Variants in PIK3C2G observed in about 807,000 individuals in gnomAD.
The protein encoded by PIK3C2G is phosphatidylinositol 3-kinase C2 domain-containing subunit gamma.
A neutral mutation model predicts 181.1 loss-of-function variants in PIK3C2G; 168 were observed. The observed-to-expected ratio is 0.93, with a 90% CI of 0.82 to 1.05. The LOEUF (loss-of-function observed/expected upper bound fraction) is 1.05, where lower values mean the gene tolerates loss of function less well. Ranked by LOEUF, PIK3C2G falls within the 50% of genes least tolerant of loss-of-function variation. The pLI is 0.00. For missense variants in PIK3C2G, 1,869 were observed against 1,732.8 expected, an observed-to-expected ratio of 1.08 and a Z score of -1.40; for synonymous variants, 573 against 592.2, an observed-to-expected ratio of 0.97 and a Z score of 0.47.
intron 18 of PIK3C2G, among the ~76,000 whole-genome samples, chr12:18,447,287 G>T (rs1459251853): frequency 1.3e-5 from 2 of 152,108 alleles, no homozygotes; most frequent in Non-Finnish European, 2.9e-5. Context: ...ATTCTGAATG[G>T]CAGGAACACT....
chr12:18,428,846 A>G (rs1022815958), intron 18 of PIK3C2G, among the ~76,000 whole-genome samples: 1 of 152,180 alleles, frequency 6.6e-6, no homozygotes, highest in Admixed American at 6.5e-5. Context: ...AATGGGAACC[A>G]TAACATTTGG....
intron 3 of PIK3C2G, among the ~76,000 whole-genome samples, chr12:18,288,741 A>G (rs1450568419): frequency 1.3e-5 from 2 of 152,200 alleles, no homozygotes; most frequent in East Asian, 3.8e-4. Context: ...ACTTTAAGAT[A>G]TCACTCTTCT....
At chr12:18,502,115 T>A (rs1941533648) in intron 22 of PIK3C2G, among the ~76,000 whole-genome samples, 1 of 152,212 alleles carries the variant, frequency 6.6e-6, no homozygotes, top group Non-Finnish European at 1.5e-5. Flanking sequence ...GTCTTGATAC[T>A]ATGGATATTC....
intron 16 of PIK3C2G, among the ~76,000 whole-genome samples, chr12:18,400,347 C>T (rs1000324585): frequency 6.6e-6 from 1 of 152,212 alleles, no homozygotes; most frequent in African/African-American, 2.4e-5. Flanking sequence ...CAGGAAAGGG[C>T]TAATGATGTC....
intron 30 of PIK3C2G, chr12:18,607,219 T>G (rs1365066864): frequency 2.0e-6 from 1 of 512,360 alleles, no homozygotes; most frequent in East Asian, 5.5e-5. Context: ...ACAAAATGAT[T>G]TTAATTGAAA....
At chr12:18,481,864 A>G (rs7957019) in intron 18 of PIK3C2G, among the ~76,000 whole-genome samples, 87,325 of 151,918 alleles carry the variant, frequency 0.57, 25,611 homozygotes, top group East Asian at 0.86. Flanking sequence ...GGCTTTTCTC[A>G]CCTGCAATGC....
chr12:18,608,385 T>G (rs1013293753), intron 30 of PIK3C2G, among the ~76,000 whole-genome samples: 2 of 151,952 alleles, frequency 1.3e-5, no homozygotes, highest in African/African-American at 4.8e-5. Flanking sequence ...CCATAAAAAA[T>G]GATGAGTTCA....
intron 24 of PIK3C2G, among the ~76,000 whole-genome samples, chr12:18,514,823 G>A (rs769682474): frequency 1.4e-4 from 22 of 151,854 alleles, no homozygotes; most frequent in Non-Finnish European, 2.8e-4. Flanking sequence ...TTCTTGTTCC[G>A]GATCTTAGAG....
chr12:18,573,152 C>T (rs1256929711), intron 29 of PIK3C2G, among the ~76,000 whole-genome samples: 3 of 152,128 alleles, frequency 2.0e-5, no homozygotes, highest in Non-Finnish European at 4.4e-5. Flanking sequence ...AGATATTATA[C>T]TGCAATATCC....
chr12:18,698,600 G>T, the PIK3C2G span, among the ~76,000 whole-genome samples: 37,766 of 151,892 alleles, frequency 0.25, 5,151 homozygotes, highest in East Asian at 0.5. Context: ...TTTTCCTTCT[G>T]TGGTATTTCT....
At chr12:18,247,872 C>T (rs1437993922) in exon 1 of PIK3C2G, 1 of 152,154 alleles carries the variant, frequency 6.6e-6, no homozygotes, top group Non-Finnish European at 1.5e-5. Flanking sequence ...TTTGGGACTG[C>T]TTTTCATTAA....
chr12:18,281,717 A>G (rs1405308451), intron 1 of PIK3C2G, among the ~76,000 whole-genome samples: 18 of 152,074 alleles, frequency 1.2e-4, no homozygotes, highest in Non-Finnish European at 1.5e-5. Context: ...TATTCAATAG[A>G]AAAAGAGAAT....
chr12:18,696,348 A>ATATATATATATATATATATATATATC, the PIK3C2G span: 164 of 214,238 alleles, frequency 7.7e-4, 3 homozygotes, highest in Non-Finnish European at 9.4e-4. Context: ...ATATATATAT[A>ATATATATATATATATATATATATATC]TATCATATAA....
In PIK3C2G at chr12:18,535,851, C is replaced by T. The variant is rs147414547; in HGVS notation, c.3324-2305C>T. Among the ~76,000 whole-genome samples the T allele has an allele frequency of 3.6e-4, 54 of 152,070 alleles. 2 individuals are homozygous for T. The South Asian group carries it at 4.2e-3, about 12-fold the overall frequency. On this transcript the variant is annotated intron_variant, in intron 24 of 32. Coordinates refer to ENST00000538779, the MANE Select transcript of PIK3C2G (RefSeq NM_001288772.2). ...ATATATAAAAAATGCTATCAGCTAT[C>T]GCAAGGACAAAAAACCAAACACCGC...
intron 18 of PIK3C2G, among the ~76,000 whole-genome samples, chr12:18,438,971 A>G (rs1401257771): frequency 6.6e-6 from 1 of 151,940 alleles, no homozygotes; most frequent in African/African-American, 2.4e-5. Flanking sequence ...AAGAAGTATC[A>G]CCAAAGTTTC....
At chr12:18,378,172 A>G (rs1202558092) in intron 13 of PIK3C2G, among the ~76,000 whole-genome samples, 1 of 152,188 alleles carries the variant, frequency 6.6e-6, no homozygotes, top group Admixed American at 6.5e-5. Flanking sequence ...ATCTTCTGTC[A>G]AGACCAGCTT....
At chr12:18,551,293 G>T (rs1292150104) in intron 26 of PIK3C2G, among the ~76,000 whole-genome samples, 1 of 152,026 alleles carries the variant, frequency 6.6e-6, no homozygotes, top group East Asian at 1.9e-4. Context: ...AGGCAACAAA[G>T]GCAGCCATCC....
chr12:18,643,381 A>T (rs575689922), intron 32 of PIK3C2G, among the ~76,000 whole-genome samples: 23 of 152,126 alleles, frequency 1.5e-4, no homozygotes, highest in Non-Finnish European at 3.1e-4. Context: ...TCCGATGAGA[A>T]CATAGTCCAA....
chr12:18,700,039 A>G, the PIK3C2G span: 4 of 1,067,418 alleles, frequency 3.7e-6, no homozygotes, highest in Non-Finnish European at 5.6e-6. Flanking sequence ...CTTTCAAACA[A>G]ATGATTTTCA....
Sources: gnomAD v4.1 joint callset for allele counts (sites outside exome capture counted in the v4.1 genomes callset) on GRCh38, gnomAD v4.1.1 for gene constraint, MANE v1.5 for transcripts, NCBI Gene and HGNC (gene_info 2026-07-23, HGNC 2026-07-21) for gene names.